Variants in AARS2 observed in about 807,000 individuals in gnomAD.
AARS2 encodes the protein alanine--tRNA ligase, mitochondrial.
A neutral mutation model predicts 119.7 loss-of-function variants in AARS2; 78 were observed. That is an observed-to-expected ratio of 0.65 (90% CI 0.54 to 0.79). The LOEUF is 0.79. AARS2 is among the 30% of genes least tolerant of loss of function. AARS2 has a pLI of 0.00. For synonymous variants in AARS2, 502 were observed against 526.3 expected, an observed-to-expected ratio of 0.95 and a Z score of 0.63; for missense variants, 1,157 against 1,291.3, an observed-to-expected ratio of 0.90 and a Z score of 1.59.
Position 44,307,126 on chromosome 6 carries a change from T to A in AARS2, c.1041-95A>T, listed in dbSNP as rs1320151892. On this transcript the variant is annotated intron_variant, in intron 6 of 21. Transcript: ENST00000244571. This position sits in a 1 kb window ranked among gnomAD's most constrained non-coding sequence, Gnocchi z 4.4. ...ACGAGGTCCAGTGTGTGCTCCCACC[T>A]CAAAGCTCTCCCTCTCCCCATTCCT... The A allele has an allele frequency of 5.7e-6, 9 of 1,587,864 alleles. No individual in the cohort carries two copies. The highest frequency in any genetic ancestry group is 6.9e-6 in the Non-Finnish European group (8 of 1,162,184).
intron 4 of AARS2, among the ~76,000 whole-genome samples, chr6:44,310,780 A>G (rs1201656679): frequency 3.9e-5 from 6 of 152,260 alleles, no homozygotes; most frequent in Non-Finnish European, 5.9e-5. Flanking sequence ...TTGATCATCA[A>G]GTTCAACAGA....
intron 12 of AARS2, 50 bp from the exon 13 acceptor site, chr6:44,304,583 C>T (rs1785668401): frequency 1.9e-5 from 30 of 1,614,132 alleles, no homozygotes; most frequent in Non-Finnish European, 2.5e-5. Context: ...CTCCCCTTGG[C>T]TCCCACTCAG....
intron 5 of AARS2, among the ~76,000 whole-genome samples, chr6:44,308,942 T>A (rs1227020856): frequency 6.6e-6 from 1 of 152,166 alleles, no homozygotes; most frequent in Non-Finnish European, 1.5e-5. Flanking sequence ...AAGGCCCCAC[T>A]TTGGACTTTG....
rs1302029500 is a variant in AARS2 at position 44,305,147 on chromosome 6, C to T, written c.1486G>A (p.Val496Ile). 3 of 1,613,712 alleles carry T rather than the reference C, an allele frequency of 1.9e-6. No homozygotes were observed. Among genetic ancestry groups the T allele is most frequent in the South Asian group, 1.1e-5 (1 of 91,072 alleles). The change falls in exon 11 of 22, where the codon GTC becomes ATC. Residue 496 changes from valine to isoleucine, a missense_variant. Val to Ile is a conservative substitution (Grantham distance 29). Transcript: ENST00000244571. The surrounding 1 kb of genome is among the most constrained non-coding windows in gnomAD (Gnocchi z 4.6). ...CGCTGCAGCTCCCCAAGCGCATGGA[C>T]ATCAAGCCACAATCCCTGCTTCTGA... is the stretch of plus-strand genomic sequence containing the variant. ...PVQKQGLWLDVHALGELQRQG... is the reference protein window; with the variant it reads ...PVQKQGLWLDIHALGELQRQG...
Position 44,307,685 on chromosome 6 carries a change from C to T in AARS2, c.895-291G>A. ...ATGGCCTCGAATCCCCAAAACAGCC[C>T]ATTCCAGGAGGTATTAGCATGCTTG... is the stretch of plus-strand genomic sequence containing the variant. On this transcript the variant is annotated intron_variant, in intron 5 of 21. Coordinates refer to ENST00000244571, the MANE Select transcript of AARS2 (RefSeq NM_020745.4). This position sits in a 1 kb window ranked among gnomAD's most constrained non-coding sequence, Gnocchi z 4.4. 2.0e-6 allele frequency: 1 copy of T among 507,620 alleles called. No individual in the cohort carries two copies. The highest frequency in any genetic ancestry group is 3.6e-6 in the Non-Finnish European group (1 of 279,776). The allele number at this position is 507,620 out of a possible 1,614,324, so 31.4% of individuals were successfully genotyped here.
Position 44,301,273 on chromosome 6 carries a change from C to A in AARS2, c.2683-7G>T. 1.9e-6 allele frequency: 3 copies of A among 1,613,932 alleles called. No individual in the cohort carries two copies. Among genetic ancestry groups the A allele is most frequent in the Non-Finnish European group, 2.5e-6 (3 of 1,179,958 alleles). On this transcript the variant is annotated splice_region_variant and splice_polypyrimidine_tract_variant and intron_variant, in intron 20 of 21. Coordinates refer to ENST00000244571, the MANE Select transcript of AARS2 (RefSeq NM_020745.4). Reference sequence around the variant, plus strand: ...GTACCACCTTCACCAGCACCTGGACCACGAAAGACAGATGGTGAGCCCATC... The same window carrying A: ...GTACCACCTTCACCAGCACCTGGACAACGAAAGACAGATGGTGAGCCCATC...
chr6:44,299,492 T>C lies in AARS2; in HGVS notation c.*1055A>G, dbSNP rs1785187681. 1.3e-5 allele frequency among the ~76,000 whole-genome samples: 2 copies of C among 151,848 alleles called. No individual in the cohort carries two copies. ...TTTGCGCAGGCTGGTCTTGCACTTC[T>C]GGCCTCAAGCGATTCTCCAACCTCA... On this transcript the variant is annotated 3_prime_UTR_variant, in exon 22 of 22. Transcript: ENST00000244571.
At chr6:44,306,772 A>G in intron 7 of AARS2, 151 bp downstream of exon 7, 1 of 863,506 alleles carries the variant, frequency 1.2e-6, no homozygotes, top group Non-Finnish European at 1.9e-6. Context: ...GTAAGCAAGG[A>G]CAGCTTTCTT....
chr6:44,310,278 TGGAAG>T lies in AARS2; in HGVS notation c.894+16_894+20del. On this transcript the variant is annotated intron_variant, in intron 5 of 21. Transcript: ENST00000244571. Reference sequence around the variant, plus strand: ...TGTGAAGAGCAGGTTAGAGGGCTTCTGGAAGGGAAGAGGCACTCACCTGCTGTATG... The same window carrying T: ...TGTGAAGAGCAGGTTAGAGGGCTTCTGGAAGAGGCACTCACCTGCTGTATG... 1.3e-6 allele frequency: 2 copies of T among 1,577,626 alleles called. No individual in the cohort carries two copies. The highest frequency in any genetic ancestry group is 1.7e-6 in the Non-Finnish European group (2 of 1,160,740).
chr6:44,303,332 G>A lies in AARS2; in HGVS notation c.2099C>T (p.Pro700Leu). 1 of 1,614,020 alleles carries A rather than the reference G, an allele frequency of 6.2e-7. No homozygotes were observed. The highest frequency in any genetic ancestry group is 8.5e-7 in the Non-Finnish European group (1 of 1,180,028). ...QDEAVYMEEVPLALTAQVPGL... is the reference protein window; with the variant it reads ...QDEAVYMEEVLLALTAQVPGL... ...AGGGACCTGGGCAGTGAGCGCCAGG[G>A]GCACCTCCTCCATGTACACAGCCTC... The change falls in exon 15 of 22, where the codon CCC (proline) becomes CTC (leucine). Residue 700 changes from proline (P) to leucine (L), a missense_variant. Physicochemically the swap from Pro to Leu is moderately conservative, Grantham distance 98. Coordinates refer to ENST00000244571, the MANE Select transcript of AARS2 (RefSeq NM_020745.4).
Position 44,303,400 on chromosome 6 carries a change from G to C in AARS2, c.2031C>G (p.Leu677=). 6.2e-7 allele frequency: 1 copy of C among 1,614,018 alleles called. No individual in the cohort carries two copies. Among genetic ancestry groups the C allele is most frequent in the Non-Finnish European group, 8.5e-7 (1 of 1,180,016 alleles). The change falls in exon 15 of 22, where the codon CTC becomes CTG. Residue 677 remains leucine, a synonymous_variant. Transcript: ENST00000244571. ...TTQTPLTPEQ[L]RAVENTVQEA... Reference sequence around the variant, plus strand: ...CCTGCACAGTGTTCTCCACTGCCCGGAGCTGCTCTGGGGTCAATGGGGTCT... The same window carrying C: ...CCTGCACAGTGTTCTCCACTGCCCGCAGCTGCTCTGGGGTCAATGGGGTCT...
At position 44,305,072 on chromosome 6, in the gene AARS2, G is replaced by A. The variant is rs587777591; in HGVS notation, c.1561C>T (p.Arg521Ter). ...DDSPKYNYSL[R>*]PSGSYEFGTC... ...CTCTCACCATAACTTCCGCTGGGTC[G>A]CAGGGAGTAGTTGTACTTGGGGCTG... Residue 521 changes from arginine (R) to a stop codon, truncating the protein, a stop_gained, in exon 11 of 22, where the codon CGA becomes TGA. Transcript: ENST00000244571. LOFTEE classifies it high-confidence loss of function. This position sits in a 1 kb window ranked among gnomAD's most constrained non-coding sequence, Gnocchi z 4.6. The A allele has an allele frequency of 8.1e-6, 13 of 1,614,046 alleles. No homozygotes were observed. Among genetic ancestry groups the A allele is most frequent in the Admixed American group, 1.7e-5 (1 of 60,028 alleles).
At chr6:44,302,557 C>T (rs1166527269) in intron 17 of AARS2, 44 bp from the exon 18 acceptor site, 3 of 1,612,712 alleles carry the variant, frequency 1.9e-6, no homozygotes, top group Admixed American at 3.3e-5. Flanking sequence ...TTCATCTCCC[C>T]AGGACAAGGC....
At position 44,300,310 on chromosome 6, in the gene AARS2, C is replaced by T; in HGVS notation, c.*237G>A. The T allele has an allele frequency of 1.7e-6, 1 of 595,554 alleles. No individual in the cohort carries two copies. The highest frequency in any genetic ancestry group is 2.0e-5 in the South Asian group (1 of 50,858). 36.9% of individuals were successfully genotyped at this position (595,554 alleles called of 1,614,324 possible). On this transcript the variant is annotated 3_prime_UTR_variant, in exon 22 of 22. Transcript: ENST00000244571. ...ATAATTTCTAATGTGCAGTCACAGC[C>T]ATAATTGTCCATGTCTTCTCTTTCA...
At chr6:44,302,313 A>ACCT in intron 18 of AARS2, 78 bp downstream of exon 18, 2 of 1,613,108 alleles carry the variant, frequency 1.2e-6, no homozygotes. Context: ...AGTGCTAGGG[A>ACCT]GAGTCTGAAG....
chr6:44,302,753 C>A (rs1171096932), intron 17 of AARS2, 49 bp downstream of exon 17: 9 of 1,551,466 alleles, frequency 5.8e-6, no homozygotes, highest in Non-Finnish European at 7.9e-6. Flanking sequence ...CTGCGTGTGT[C>A]CCATGCACCC....
chr6:44,303,786 G>A (rs891011488), intron 14 of AARS2, among the ~76,000 whole-genome samples: 2 of 152,234 alleles, frequency 1.3e-5, no homozygotes, highest in Non-Finnish European at 2.9e-5. Flanking sequence ...TAGCCAGCAA[G>A]TACTTCCTGG....
chr6:44,306,343 C>G lies in AARS2; in HGVS notation c.1237G>C (p.Glu413Gln). 6.2e-7 allele frequency: 1 copy of G among 1,614,176 alleles called. No homozygotes were observed. The highest frequency in any genetic ancestry group is 1.7e-5 in the Admixed American group (1 of 60,030). ...CGATCAATGATCCGCCTACCCCGCT[C>G]CAGGGAGGCCAGGAAGGCTGCCTCG... ...EDEAAFLASL[E>Q]RGRRIIDRTL... The change falls in exon 9 of 22, where the codon GAG becomes CAG. Residue 413 changes from glutamate to glutamine, a missense_variant. Physicochemically the swap from Glu to Gln is conservative, Grantham distance 29. Transcript: ENST00000244571.
chr6:44,302,997 G>T lies in AARS2; in HGVS notation c.2255+69C>A. On this transcript the variant is annotated intron_variant, in intron 16 of 21. Coordinates refer to ENST00000244571, the MANE Select transcript of AARS2 (RefSeq NM_020745.4). ...GTGCATCTCCCATTAAGGGCTGATG[G>T]CTCCAAAGACCAAGGGAAGGGCAAG... 4 of 1,604,660 alleles carry T rather than the reference G, an allele frequency of 2.5e-6. No homozygotes were observed. The South Asian group carries it at 4.4e-5, about 18-fold the overall frequency.
Sources: allele counts gnomAD v4.1 joint callset (sites outside exome capture counted in the v4.1 genomes callset), GRCh38; gene constraint gnomAD v4.1.1; non-coding constraint Gnocchi (gnomAD v3.1); transcripts MANE v1.5; gene names NCBI Gene and HGNC (gene_info 2026-07-23, HGNC 2026-07-21).